ASCC2: variants seen among roughly 807,000 people sequenced by gnomAD.
The protein encoded by ASCC2 is ASC-1 complex subunit P100.
In ASCC2, 42 loss-of-function variants were observed where a neutral mutation model predicts 93.5. The observed-to-expected ratio is 0.45, with a 90% CI of 0.35 to 0.58. The LOEUF (loss-of-function observed/expected upper bound fraction) is 0.58, where lower values mean the gene tolerates loss of function less well. ASCC2 is among the 20% of genes least tolerant of loss of function. The pLI, the probability that ASCC2 is intolerant of heterozygous loss-of-function variation, is 0.00. For missense variants in ASCC2, 859 were observed against 977.6 expected, an observed-to-expected ratio of 0.88 and a Z score of 1.62; for synonymous variants, 364 against 384.2, an observed-to-expected ratio of 0.95 and a Z score of 0.62.
intron 18 of ASCC2, among the ~76,000 whole-genome samples, chr22:29,791,151 G>A (rs1037973541): frequency 5.9e-5 from 9 of 152,104 alleles, no homozygotes; most frequent in Non-Finnish European, 1.2e-4. Context: ...CAAGGTGGGA[G>A]GATCACTTGA....
intron 18 of ASCC2, among the ~76,000 whole-genome samples, chr22:29,792,201 C>T (rs79147485): frequency 0.018 from 2,778 of 152,184 alleles, 85 homozygotes; most frequent in African/African-American, 0.064. Flanking sequence ...GCTGGTGGCT[C>T]AGAGGCCCTG....
intron 4 of ASCC2, among the ~76,000 whole-genome samples, chr22:29,824,431 A>G: frequency 6.6e-6 from 1 of 152,130 alleles, no homozygotes; most frequent in East Asian, 1.9e-4. Context: ...CCTGAGAAAC[A>G]TAGCGAGACC....
At chr22:29,798,705 A>C (rs2058732173) in intron 15 of ASCC2, among the ~76,000 whole-genome samples, 1 of 152,164 alleles carries the variant, frequency 6.6e-6, no homozygotes, top group Non-Finnish European at 1.5e-5. Flanking sequence ...GTCCCTGCCG[A>C]AGTTCCTGTG....
chr22:29,811,856 G>A (rs1392904804), intron 8 of ASCC2, among the ~76,000 whole-genome samples: 1 of 152,218 alleles, frequency 6.6e-6, no homozygotes, highest in Non-Finnish European at 1.5e-5. Flanking sequence ...TATGATAAGC[G>A]AAAATATGCA....
chr22:29,822,437 C>T lies in ASCC2; in HGVS notation c.439G>A (p.Gly147Arg). The T allele has an allele frequency of 6.2e-7, 1 of 1,613,884 alleles. No homozygotes were observed. Among genetic ancestry groups the T allele is most frequent in the Non-Finnish European group, 8.5e-7 (1 of 1,179,940 alleles). ...KDHFISPSAF[G>R]EILYNNFLFD... The stretch of plus-strand genomic sequence containing the variant: ...AGGAAGTTATTGTAGAGGATTTCTC[C>T]AAACGCAGAAGGGGAAATGAAGTGA... The change falls in exon 5 of 20, where the codon GGA becomes AGA. Residue 147 changes from glycine to arginine, a missense_variant. Transcript: ENST00000307790.
At chr22:29,816,771 G>A (rs992750897) in intron 5 of ASCC2, 1 of 150,334 alleles carries the variant, frequency 6.7e-6, no homozygotes, top group Non-Finnish European at 1.5e-5. Flanking sequence ...AAGTGTTCCA[G>A]CTGCCCAAAT....
At chr22:29,803,843 G>A (rs939000978) in intron 13 of ASCC2, among the ~76,000 whole-genome samples, 8 of 152,206 alleles carry the variant, frequency 5.3e-5, no homozygotes, top group African/African-American at 1.9e-4. Flanking sequence ...CACAGGGTCT[G>A]GGCTGGGAGG....
Position 29,802,192 on chromosome 22 carries a change from G to T in ASCC2, c.1370C>A (p.Ala457Glu). ...SEEEECMGAA[A>E]AVGPAMCGVE... Reference sequence around the variant, plus strand: ...CCCACACATGGCAGGGCCCACAGCCGCGGCTGCTCCCATGCACTGTAGTGA... The same window carrying T: ...CCCACACATGGCAGGGCCCACAGCCTCGGCTGCTCCCATGCACTGTAGTGA... The change falls in exon 14 of 20, where the codon GCG (alanine) becomes GAG (glutamate). Residue 457 changes from alanine (A) to glutamate (E), a missense_variant. Physicochemically the swap from Ala to Glu is moderately radical, Grantham distance 107 (BLOSUM62 -1). Coordinates refer to ENST00000307790, the MANE Select transcript of ASCC2 (RefSeq NM_032204.5). The T allele has an allele frequency of 1.2e-6, 2 of 1,614,084 alleles. No individual in the cohort carries two copies. Among genetic ancestry groups the T allele is most frequent in the Non-Finnish European group, 1.7e-6 (2 of 1,180,028 alleles).
At position 29,788,873 on chromosome 22, in the gene ASCC2, G is replaced by A. The variant is rs1293862550; in HGVS notation, c.*140C>T. 2.0e-6 allele frequency: 2 copies of A among 1,001,846 alleles called. No homozygotes were observed. Among genetic ancestry groups the A allele is most frequent in the African/African-American group, 1.6e-5 (1 of 61,538 alleles). 62.1% of individuals were successfully genotyped at this position (1,001,846 alleles called of 1,614,324 possible). ...CATGGCTGGCTGGTAGATGAGAGGC[G>A]GCCTTCTCAGGGGCTGCAAAGCTGA... is the stretch of plus-strand genomic sequence containing the variant. On this transcript the variant is annotated 3_prime_UTR_variant, in exon 20 of 20. Transcript: ENST00000307790.
chr22:29,800,405 C>CGTG (rs535348984), intron 15 of ASCC2, among the ~76,000 whole-genome samples: 79 of 152,282 alleles, frequency 5.2e-4, no homozygotes, highest in Non-Finnish European at 1.0e-3. Flanking sequence ...GGGCAGGGGC[C>CGTG]GTGTCTGTTT....
intron 15 of ASCC2, 130 bp from the exon 16 acceptor site, chr22:29,793,806 A>C: frequency 1.2e-6 from 1 of 842,178 alleles, no homozygotes; most frequent in Non-Finnish European, 1.8e-6. Flanking sequence ...AATGAAATCA[A>C]GCATTGGTGA....
chr22:29,796,169 C>T (rs1038475441), intron 15 of ASCC2, among the ~76,000 whole-genome samples: 2 of 151,562 alleles, frequency 1.3e-5, no homozygotes, highest in Admixed American at 6.6e-5. Flanking sequence ...AGTGCAGTGG[C>T]GTGATCTCAG....
Position 29,808,129 on chromosome 22 carries a change from C to G in ASCC2, c.890G>C (p.Arg297Thr). The change falls in exon 9 of 20, where the codon AGG becomes ACG. Residue 297 changes from arginine (R) to threonine (T), a missense_variant. By Grantham distance (71) the Arg-to-Thr change is moderately conservative. Transcript: ENST00000307790. ...IPEMESAIKK[R>T]RLEDSKLLGD... ...GCCTCACTTGCTATCTTCAAGCCTC[C>G]TCTTCTTAATTGCAGACTCCATTTC... 6.2e-7 allele frequency: 1 copy of G among 1,614,260 alleles called. No homozygotes were observed. Among genetic ancestry groups the G allele is most frequent in the Non-Finnish European group, 8.5e-7 (1 of 1,180,046 alleles).
chr22:29,793,807 G>T, intron 15 of ASCC2, 131 bp from the exon 16 acceptor site: 1 of 877,316 alleles, frequency 1.1e-6, no homozygotes, highest in Non-Finnish European at 1.7e-6. Context: ...ATGAAATCAA[G>T]CATTGGTGAG....
intron 9 of ASCC2, among the ~76,000 whole-genome samples, chr22:29,807,587 ACGGT>A (rs2059822334): frequency 6.6e-6 from 1 of 152,194 alleles, no homozygotes; most frequent in Non-Finnish European, 1.5e-5. Context: ...AGTCTCCTTC[ACGGT>A]GTTTAGTAAC....
At position 29,825,538 on chromosome 22, in the gene ASCC2, C is replaced by G. The variant is rs1836051262; in HGVS notation, c.240+84G>C. The G allele has an allele frequency of 4.4e-6, 7 of 1,589,212 alleles. No individual in the cohort carries two copies. The South Asian group carries it at 7.8e-5, about 18-fold the overall frequency. ...GAAAGAAGTAGACAAAAAAGCACCT[C>G]CTAGGGGAAGAAAAACAACAACAGC... On this transcript the variant is annotated intron_variant, in intron 3 of 19. Coordinates refer to ENST00000307790, the MANE Select transcript of ASCC2 (RefSeq NM_032204.5). The surrounding 1 kb of genome is among the most constrained non-coding windows in gnomAD (Gnocchi z 4.9).
At chr22:29,818,377 G>GTCCCTTCTCTGCA (rs1322571080) in intron 5 of ASCC2, among the ~76,000 whole-genome samples, 2 of 95,662 alleles carry the variant, frequency 2.1e-5, no homozygotes, top group Non-Finnish European at 4.7e-5. Flanking sequence ...GAAACTGCAG[G>GTCCCTTCTCTGCA]TCCCTTCTCT....
At chr22:29,822,972 G>A (rs758985329) in intron 4 of ASCC2, among the ~76,000 whole-genome samples, 1 of 151,704 alleles carries the variant, frequency 6.6e-6, no homozygotes, top group Non-Finnish European at 1.5e-5. Flanking sequence ...AGCTTGCCTC[G>A]GCCTCCCAAA....
rs574050166 is a variant in ASCC2 at position 29,807,939 on chromosome 22, C to A, written c.908+172G>T. 4.6e-5 allele frequency among the ~76,000 whole-genome samples: 7 copies of A among 151,522 alleles called. No individual in the cohort carries two copies. The South Asian group carries it at 1.0e-3, about 23-fold the overall frequency. On this transcript the variant is annotated intron_variant, in intron 9 of 19. Coordinates refer to ENST00000307790, the MANE Select transcript of ASCC2 (RefSeq NM_032204.5). Reference sequence around the variant, plus strand: ...ACAACAACAACAACAAAAAAAAAAACAAATGCAGAGGTCAGGAAGTGGCTA... The same window carrying A: ...ACAACAACAACAACAAAAAAAAAAAAAAATGCAGAGGTCAGGAAGTGGCTA...
Sources: gnomAD v4.1 joint callset for allele counts (sites outside exome capture counted in the v4.1 genomes callset) on GRCh38, gnomAD v4.1.1 for gene constraint, Gnocchi (gnomAD v3.1) non-coding constraint, MANE v1.5 for transcripts, NCBI Gene and HGNC (gene_info 2026-07-23, HGNC 2026-07-21) for gene names.